The following LEMD3 variants were observed in gnomAD, a reference collection of about 807,000 sequenced individuals.
LEMD3 encodes the protein inner nuclear membrane protein Man1.
A neutral mutation model predicts 95.2 loss-of-function variants in LEMD3; 33 were observed. The ratio of observed to expected loss-of-function variants is 0.35; its 90% confidence interval spans 0.26 to 0.46. LEMD3 has a LOEUF of 0.46. Ranked by LOEUF, LEMD3 falls within the 20% of genes least tolerant of loss-of-function variation. The pLI is 1.00. For missense variants in LEMD3, 1,210 were observed against 1,192.8 expected, an observed-to-expected ratio of 1.01 and a Z score of -0.21; for synonymous variants, 525 against 474.6, an observed-to-expected ratio of 1.11 and a Z score of -1.38.
At chr12:65,214,772 T>G (rs983321794) in intron 2 of LEMD3, among the ~76,000 whole-genome samples, 2 of 152,200 alleles carry the variant, frequency 1.3e-5, no homozygotes, top group African/African-American at 4.8e-5. Context: ...CAGAGCCCCC[T>G]GATAAATCAT....
At chr12:65,179,086 CTA>C (rs975390939) in intron 1 of LEMD3, among the ~76,000 whole-genome samples, 1 of 151,970 alleles carries the variant, frequency 6.6e-6, no homozygotes, top group Admixed American at 6.6e-5. Flanking sequence ...AATATTAAAA[CTA>C]TTTCTAATTT....
chr12:65,231,625 T>C (rs957813848), intron 4 of LEMD3, among the ~76,000 whole-genome samples: 2 of 151,990 alleles, frequency 1.3e-5, no homozygotes, highest in African/African-American at 2.4e-5. Flanking sequence ...ACCTTGATTG[T>C]ACCACTACAC....
chr12:65,186,253 T>C (rs1429645081), intron 1 of LEMD3, among the ~76,000 whole-genome samples: 1 of 152,028 alleles, frequency 6.6e-6, no homozygotes, highest in East Asian at 1.9e-4. Flanking sequence ...TTGCTTTTTA[T>C]TGTGAAGAGA....
At chr12:65,234,232 AAAAG>A (rs1408858545) in intron 4 of LEMD3, among the ~76,000 whole-genome samples, 4 of 152,230 alleles carry the variant, frequency 2.6e-5, no homozygotes, top group East Asian at 3.8e-4. Context: ...TTGCTTTTAA[AAAAG>A]AAAGAAAGAA....
Position 65,245,926 on chromosome 12 carries a change from C to T in LEMD3, c.2559C>T (p.Gly853=), listed in dbSNP as rs371626791. The T allele has an allele frequency of 7.4e-6, 12 of 1,610,738 alleles. No homozygotes were observed. Among genetic ancestry groups the T allele is most frequent in the Non-Finnish European group, 9.3e-6 (11 of 1,177,792 alleles). Residue 853 remains glycine (G), a synonymous_variant, in exon 12 of 13, where the codon GGC becomes GGT. Transcript: ENST00000308330. ...GAAAGGCTTTTAAAGCATTGCATGG[C>T]TCTTGGTTTGATGGTAAGAAATTTG... is the stretch of plus-strand genomic sequence containing the variant. ...YAGKAFKALH[G]SWFDGKLVTV... is the part of the protein sequence containing the mutation.
rs541345339 is a variant in LEMD3, at chr12:65,170,400, C to T, written c.804C>T (p.Asp268=). ...YSDSEEEDDD[D]VASSRQVLKD... ...ACTCAGAGGAAGAGGACGACGACGACGTGGCCTCCAGCAGACAGGTATTAA... is the reference window on the plus strand; with the variant it reads ...ACTCAGAGGAAGAGGACGACGACGATGTGGCCTCCAGCAGACAGGTATTAA... The change falls in exon 1 of 13, where the codon GAC becomes GAT. Residue 268 remains aspartate (D), a synonymous_variant. Coordinates refer to ENST00000308330, the MANE Select transcript of LEMD3 (RefSeq NM_014319.5). 6.2e-7 allele frequency: 1 copy of T among 1,614,098 alleles called. No homozygotes were observed. Among genetic ancestry groups the T allele is most frequent in the Non-Finnish European group, 8.5e-7 (1 of 1,180,002 alleles).
chr12:65,209,360 C>G (rs989292483), intron 1 of LEMD3, among the ~76,000 whole-genome samples: 1 of 151,996 alleles, frequency 6.6e-6, no homozygotes, highest in African/African-American at 2.4e-5. Context: ...GAACTGCACA[C>G]TTATATTTTT....
At chr12:65,175,083 G>A (rs1170668197) in intron 1 of LEMD3, among the ~76,000 whole-genome samples, 1 of 152,054 alleles carries the variant, frequency 6.6e-6, no homozygotes, top group Non-Finnish European at 1.5e-5. Flanking sequence ...CAGTGTTGCT[G>A]GGACATAATG....
chr12:65,189,748 C>A (rs566882439), intron 1 of LEMD3, among the ~76,000 whole-genome samples: 47 of 152,280 alleles, frequency 3.1e-4, no homozygotes, highest in African/African-American at 1.1e-3. Context: ...AGTTCACATA[C>A]GTGCAGCGAG....
At chr12:65,213,217 C>CTGTTTGTT (rs574381800) in intron 2 of LEMD3, among the ~76,000 whole-genome samples, 1 of 151,906 alleles carries the variant, frequency 6.6e-6, no homozygotes, top group South Asian at 2.1e-4. Context: ...GTCATTTAAA[C>CTGTTTGTT]TGTTTGTTTG....
intron 2 of LEMD3, among the ~76,000 whole-genome samples, chr12:65,214,995 G>A (rs574653260): frequency 6.6e-6 from 1 of 152,186 alleles, no homozygotes; most frequent in African/African-American, 2.4e-5. Flanking sequence ...CCTATACATT[G>A]TACATTCTGG....
intron 10 of LEMD3, 34 bp from the exon 11 acceptor site, chr12:65,245,635 A>G: frequency 7.1e-7 from 1 of 1,415,810 alleles, no homozygotes; most frequent in South Asian, 1.1e-5. Flanking sequence ...GAGTAGGAAT[A>G]TGGTTGTTGA....
intron 9 of LEMD3, 128 bp downstream of exon 9, chr12:65,241,215 G>A: frequency 1.3e-6 from 1 of 776,222 alleles, no homozygotes; most frequent in Non-Finnish European, 2.2e-6. Context: ...TTTCGTAGAA[G>A]GAATCAGTGT....
At chr12:65,181,359 A>G (rs896705299) in intron 1 of LEMD3, among the ~76,000 whole-genome samples, 1 of 152,122 alleles carries the variant, frequency 6.6e-6, no homozygotes, top group Non-Finnish European at 1.5e-5. Context: ...CACCTATACT[A>G]TGTACCAGGT....
At chr12:65,214,862 C>G (rs569687410) in intron 2 of LEMD3, among the ~76,000 whole-genome samples, 2 of 152,194 alleles carry the variant, frequency 1.3e-5, no homozygotes, top group Admixed American at 6.5e-5. Flanking sequence ...CCCTCCTGAT[C>G]GTAATTGCTC....
chr12:65,177,414 G>A (rs1344443337), intron 1 of LEMD3, among the ~76,000 whole-genome samples: 1 of 142,018 alleles, frequency 7.0e-6, no homozygotes, highest in African/African-American at 3.2e-5. Context: ...CTGGCCATGA[G>A]CCTGGATGAC....
At position 65,170,482 on chromosome 12, in the gene LEMD3, C is replaced by A. The variant is rs757425587; in HGVS notation, c.886C>A (p.Pro296Thr). ...PRRTHSKPLP[P>T]LTAKSAGGRL... ...ACGAACCCATAGTAAGCCTCTCCCCCCGCTGACTGCTAAATCGGCCGGCGG... is the reference window on the plus strand; with the variant it reads ...ACGAACCCATAGTAAGCCTCTCCCCACGCTGACTGCTAAATCGGCCGGCGG... The change falls in exon 1 of 13, where the codon CCG (proline) becomes ACG (threonine). Residue 296 changes from proline (P) to threonine (T), a missense_variant. This residue lies in a region of LEMD3 where 749 missense variants were observed against 622.9 expected (regional missense o/e 1.20). Coordinates refer to ENST00000308330, the MANE Select transcript of LEMD3 (RefSeq NM_014319.5). 8.1e-6 allele frequency: 13 copies of A among 1,613,210 alleles called. No individual in the cohort carries two copies. In the East Asian group the frequency reaches 1.6e-4, roughly 19 times the overall value.
intron 4 of LEMD3, among the ~76,000 whole-genome samples, chr12:65,231,952 T>A (rs781092122): frequency 3.3e-5 from 5 of 152,132 alleles, no homozygotes; most frequent in Admixed American, 2.6e-4. Context: ...TAATATTTCA[T>A]GGTATGATTT....
At chr12:65,205,836 G>A (rs1869743364) in intron 1 of LEMD3, among the ~76,000 whole-genome samples, 1 of 152,124 alleles carries the variant, frequency 6.6e-6, no homozygotes, top group Admixed American at 6.6e-5. Context: ...ATGGAAGACA[G>A]TAATAGATAA....
Sources: gnomAD v4.1 joint callset for allele counts (sites outside exome capture counted in the v4.1 genomes callset) on GRCh38, gnomAD v4.1.1 for gene constraint, gnomAD v4.1.1 regional missense constraint, MANE v1.5 for transcripts, NCBI Gene and HGNC (gene_info 2026-07-23, HGNC 2026-07-21) for gene names.